The following ABCA1 variants were observed in gnomAD, a reference collection of about 807,000 sequenced individuals.
ABCA1 encodes ATP binding cassette subfamily A member 1.
ABCA1 carries 133 observed loss-of-function variants against 262.5 expected under a neutral mutation model. That is an observed-to-expected ratio of 0.51 (90% CI 0.44 to 0.59). ABCA1 has a LOEUF of 0.59. ABCA1 is among the 20% of genes least tolerant of loss of function. ABCA1 has a pLI of 0.00. For missense variants in ABCA1, 2,452 were observed against 2,777.5 expected (o/e 0.88, Z 2.63); for synonymous variants, 1,022 against 1,043.5 (o/e 0.98, Z 0.40).
At chr9:104,803,151 C>G in intron 33 of ABCA1, 133 bp downstream of exon 33, 2 of 1,000,790 alleles carry the variant, frequency 2.0e-6, no homozygotes, top group Non-Finnish European at 3.2e-6. Flanking sequence ...CACAGGGCTT[C>G]TGTCCTCCTC....
At chr9:104,927,469 C>CTT (rs1826441611) in intron 1 of ABCA1, 1 of 152,344 alleles carries the variant, frequency 6.6e-6, no homozygotes. Flanking sequence ...AACAGACCAG[C>CTT]TTCTTAAGAA....
At chr9:104,845,287 A>G (rs1834762641) in intron 8 of ABCA1, among the ~76,000 whole-genome samples, 190 bp downstream of exon 8, 1 of 152,270 alleles carries the variant, frequency 6.6e-6, no homozygotes, top group Admixed American at 6.5e-5. Context: ...TGAGACATCT[A>G]TGAGTTTTAG....
At chr9:104,799,375 C>T in intron 36 of ABCA1, 2 of 868,868 alleles carry the variant, frequency 2.3e-6, no homozygotes, top group Non-Finnish European at 2.7e-6. Flanking sequence ...TTTAAACTAG[C>T]TCATCCTGGC....
rs1828566937 is a variant in ABCA1 at position 104,781,871 on chromosome 9, C to G, written c.*2444G>C. On this transcript the variant is annotated 3_prime_UTR_variant, in exon 50 of 50. Coordinates refer to ENST00000374736, the MANE Select transcript of ABCA1 (RefSeq NM_005502.4). ...TTGAGTATAGAGTTGGTAAAAATTT[C>G]TACCACAATTAGGTTTACACAGGAA... is the stretch of plus-strand genomic sequence containing the variant. The G allele has an allele frequency of 6.6e-6, 1 of 152,364 alleles. No individual in the cohort carries two copies. The highest frequency in any genetic ancestry group is 1.5e-5 in the Non-Finnish European group (1 of 67,980). The allele number at this position is 152,364 out of a possible 1,614,324, so 9.4% of individuals were successfully genotyped here.
intron 2 of ABCA1, among the ~76,000 whole-genome samples, chr9:104,893,421 CAAA>C (rs34544647): frequency 3.7e-4 from 13 of 35,234 alleles, no homozygotes; most frequent in Non-Finnish European, 6.3e-4. Context: ...GACTTCACCT[CAAA>C]AAAAAAAAAA....
chr9:104,879,154 T>C (rs1165687690), intron 5 of ABCA1, among the ~76,000 whole-genome samples: 3 of 152,094 alleles, frequency 2.0e-5, no homozygotes, highest in South Asian at 2.1e-4. Context: ...GATCAGAAAG[T>C]CTGCTTGACA....
At chr9:104,917,654 T>G (rs1841924746) in intron 1 of ABCA1, among the ~76,000 whole-genome samples, 1 of 151,870 alleles carries the variant, frequency 6.6e-6, no homozygotes, top group African/African-American at 2.4e-5. Context: ...CTAGGGAGGC[T>G]GAGGCAGGAG....
In ABCA1 at chr9:104,782,382, T is replaced by A. The variant is rs1484023953; in HGVS notation, c.*1933A>T. 6.6e-6 allele frequency: 1 copy of A among 152,082 alleles called. No homozygotes were observed. Among genetic ancestry groups the A allele is most frequent in the African/African-American group, 2.4e-5 (1 of 41,440 alleles). The allele number at this position is 152,082 out of a possible 1,614,324, so 9.4% of individuals were successfully genotyped here. Reference sequence around the variant, plus strand: ...AAAATATAGAAAGATTAATTTGAAATCTGAAGTCTTACACCTTTAGCGTTA... The same window carrying A: ...AAAATATAGAAAGATTAATTTGAAAACTGAAGTCTTACACCTTTAGCGTTA... On this transcript the variant is annotated 3_prime_UTR_variant, in exon 50 of 50. Transcript: ENST00000374736.
chr9:104,806,715 C>A (rs1233315609), intron 30 of ABCA1, among the ~76,000 whole-genome samples: 1 of 152,170 alleles, frequency 6.6e-6, no homozygotes, highest in Non-Finnish European at 1.5e-5. Context: ...AATCAACCAA[C>A]CATTTGCTCA....
intron 9 of ABCA1, among the ~76,000 whole-genome samples, chr9:104,838,193 C>T (rs751133932): frequency 4.0e-5 from 6 of 151,508 alleles, no homozygotes; most frequent in African/African-American, 1.5e-4. Flanking sequence ...GGCGTGGTGA[C>T]GCATGAGGCT....
intron 31 of ABCA1, among the ~76,000 whole-genome samples, 173 bp downstream of exon 31, chr9:104,806,068 G>A (rs1038014856): frequency 2.0e-5 from 3 of 152,118 alleles, no homozygotes; most frequent in African/African-American, 4.8e-5. Context: ...TCATGCCACA[G>A]CACTCCAGCC....
chr9:104,818,750 G>A lies in ABCA1; in HGVS notation c.3375C>T (p.Gly1125=). 6.2e-7 allele frequency: 1 copy of A among 1,613,932 alleles called. No homozygotes were observed. Among genetic ancestry groups the A allele is most frequent in the Non-Finnish European group, 8.5e-7 (1 of 1,180,036 alleles). Residue 1125 remains glycine (G), a synonymous_variant, in exon 23 of 50, where the codon GGC becomes GGT. Coordinates refer to ENST00000374736, the MANE Select transcript of ABCA1 (RefSeq NM_005502.4). ...SLFLKNQLGT[G]YYLTLVKKDV... is the part of the protein sequence containing the mutation. ...CTTTCTTGACCAAGGTCAGGTAGTA[G>A]CCTGTTCCCAGCTGGTTCTTCAGAA...
At chr9:104,835,723 T>C (rs1327262860) in intron 11 of ABCA1, among the ~76,000 whole-genome samples, 2 of 152,186 alleles carry the variant, frequency 1.3e-5, no homozygotes, top group Non-Finnish European at 2.9e-5. Context: ...TTTCCAAGCA[T>C]ACACACTGGA....
chr9:104,822,388 T>C, intron 19 of ABCA1, 108 bp downstream of exon 19: 8 of 1,434,850 alleles, frequency 5.6e-6, no homozygotes, highest in Non-Finnish European at 7.8e-6. Context: ...CCTCATGTGC[T>C]CCTTCCCTTG....
chr9:104,800,762 A>G (rs1378829411), intron 34 of ABCA1, among the ~76,000 whole-genome samples, 178 bp from the exon 35 acceptor site: 1 of 152,210 alleles, frequency 6.6e-6, no homozygotes, highest in Non-Finnish European at 1.5e-5. Flanking sequence ...GTGACTAGAA[A>G]TCTACAGCAG....
intron 7 of ABCA1, chr9:104,856,216 AAAATGTTT>A: frequency 7.1e-7 from 1 of 1,403,662 alleles, no homozygotes; most frequent in Non-Finnish European, 9.3e-7. Context: ...GTCACATTTC[AAAATGTTT>A]GGAAGTCATT....
chr9:104,927,877 C>A (rs1826480092), intron 1 of ABCA1, 58 bp downstream of exon 1: 1 of 152,368 alleles, frequency 6.6e-6, no homozygotes, highest in Non-Finnish European at 1.5e-5. Flanking sequence ...TTCCCGAAGC[C>A]TCCTTGGCCT....
At chr9:104,852,625 C>A (rs959081134) in intron 7 of ABCA1, among the ~76,000 whole-genome samples, 9 of 152,124 alleles carry the variant, frequency 5.9e-5, no homozygotes, top group African/African-American at 2.2e-4. Flanking sequence ...GCTATATCTA[C>A]CAGCTAGTGC....
At chr9:104,786,124 T>C (rs1828909126) in intron 48 of ABCA1, among the ~76,000 whole-genome samples, 174 bp downstream of exon 48, 2 of 152,188 alleles carry the variant, frequency 1.3e-5, no homozygotes, top group African/African-American at 2.4e-5. Flanking sequence ...AACCAGTAAA[T>C]GGTAAAGACA....
Sources: gnomAD v4.1 joint callset for allele counts (sites outside exome capture counted in the v4.1 genomes callset) on GRCh38, gnomAD v4.1.1 for gene constraint, MANE v1.5 for transcripts, NCBI Gene and HGNC (gene_info 2026-07-23, HGNC 2026-07-21) for gene names.